ZNF616: variants seen among roughly 807,000 people sequenced by gnomAD.
ZNF616 encodes the protein zinc finger protein 616.
ZNF616 carries 5 observed loss-of-function variants against 7.6 expected under a neutral mutation model. The ratio of observed to expected loss-of-function variants is 0.66; its 90% CI spans 0.34 to 1.38. The LOEUF (loss-of-function observed/expected upper bound fraction) is 1.38, where lower values mean the gene tolerates loss of function less well. Among genes scored for constraint, ZNF616 ranks in the 40% most tolerant of loss-of-function variants. The probability of loss-of-function intolerance (pLI) is 0.04; values close to 1 mark genes in which losing one functional copy is unlikely to be tolerated. For missense variants in ZNF616, 913 were observed against 948.3 expected (o/e 0.96, Z 0.49); for synonymous variants, 319 against 317.2 (o/e 1.01, Z -0.06).
rs34759277 is a variant in ZNF616, at chr19:52,122,099, C to CA, written c.139+1823dup. ...AATTATTATAATATAGCACTTGTTC[C>CA]AAAAAAAAAAAAAAGTGTGATTTAA... On this transcript the variant is annotated intron_variant, in intron 3 of 3. Transcript: ENST00000600228. 7.0e-3 allele frequency among the ~76,000 whole-genome samples: 913 copies of CA among 130,624 alleles called. 6 individuals are homozygous for CA. Among genetic ancestry groups the CA allele is most frequent in the African/African-American group, 0.022 (766 of 35,080 alleles). 85.7% of individuals were successfully genotyped at this position (130,624 alleles called of 152,430 possible). A position where few individuals can be genotyped will look rare whatever the true frequency, so the allele number is the denominator to read the frequency against.
Position 52,115,503 on chromosome 19 carries a change from C to G in ZNF616, c.1661G>C (p.Cys554Ser). The G allele has an allele frequency of 8.7e-6, 14 of 1,614,220 alleles. No homozygotes were observed. Among genetic ancestry groups the G allele is most frequent in the Non-Finnish European group, 1.2e-5 (14 of 1,180,038 alleles). Reference protein sequence around the residue: ...TGEKPYKCKECGKVFSQCSRL... With the variant: ...TGEKPYKCKESGKVFSQCSRL... ...TGAACATTGACTGAAGACCTTGCCA[C>G]ATTCTTTGCATTTGTAAGGCTTCTC... The change falls in exon 4 of 4, where the codon TGT becomes TCT. Residue 554 changes from cysteine to serine, a missense_variant. By Grantham distance (112) the Cys-to-Ser change is moderately radical. Coordinates refer to ENST00000600228, the MANE Select transcript of ZNF616 (RefSeq NM_178523.5).
At position 52,116,097 on chromosome 19, in the gene ZNF616, T is replaced by C. The variant is rs748830511; in HGVS notation, c.1067A>G (p.Asp356Gly). ...ATGTCTGAATGCCTTGCCACATACATCACATTTATATGGTTTCTTTCCTGC... is the reference window on the plus strand; with the variant it reads ...ATGTCTGAATGCCTTGCCACATACACCACATTTATATGGTTTCTTTCCTGC... Reference protein sequence around the residue: ...IHAGKKPYKCDVCGKAFRHRS... With the variant: ...IHAGKKPYKCGVCGKAFRHRS... Residue 356 changes from aspartate to glycine, a missense_variant, in exon 4 of 4, where the codon GAT becomes GGT. By Grantham distance (94) the Asp-to-Gly change is moderately conservative. Coordinates refer to ENST00000600228, the MANE Select transcript of ZNF616 (RefSeq NM_178523.5). The C allele has an allele frequency of 1.9e-6, 3 of 1,614,112 alleles. No homozygotes were observed. Among genetic ancestry groups the C allele is most frequent in the Non-Finnish European group, 2.5e-6 (3 of 1,180,054 alleles).
Position 52,115,731 on chromosome 19 carries a change from G to C in ZNF616, c.1433C>G (p.Ser478Ter), listed in dbSNP as rs1382942049. 6.2e-7 allele frequency: 1 copy of C among 1,614,026 alleles called. No individual in the cohort carries two copies. Among genetic ancestry groups the C allele is most frequent in the African/African-American group, 1.3e-5 (1 of 74,898 alleles). The change falls in exon 4 of 4, where the codon TCA becomes TGA. Residue 478 changes from serine (S) to a stop codon, truncating the protein, a stop_gained. Coordinates refer to ENST00000600228, the MANE Select transcript of ZNF616 (RefSeq NM_178523.5). LOFTEE classifies it low-confidence loss of function (END_TRUNC). ...NECGKVFSIHSRLAAHQRIHT... is the reference protein window; with the variant it reads ...NECGKVFSIH ...AATTCTCTGATGAGCTGCAAGTCGT[G>C]AATGTATGCTGAAAACTTTGCCACA... is the stretch of plus-strand genomic sequence containing the variant.
intron 2 of ZNF616, among the ~76,000 whole-genome samples, chr19:52,129,895 G>A (rs961911403): frequency 1.3e-5 from 2 of 151,410 alleles, no homozygotes; most frequent in Non-Finnish European, 2.9e-5. Context: ...CTATTCTCCC[G>A]CCTCAGCCTC....
chr19:52,138,308 T>C (rs77150186), intron 1 of ZNF616, among the ~76,000 whole-genome samples: 2,175 of 152,304 alleles, frequency 0.014, 20 homozygotes, highest in Non-Finnish European at 0.023. Flanking sequence ...ATTCCAAATA[T>C]CTTTTGATAT....
At chr19:52,133,914 C>T (rs557567149) in intron 1 of ZNF616, among the ~76,000 whole-genome samples, 1 of 152,216 alleles carries the variant, frequency 6.6e-6, no homozygotes, top group South Asian at 2.1e-4. Context: ...TGTGTTGTTG[C>T]CCTCTACGTA....
rs2088949552 is a variant in ZNF616 at position 52,130,567 on chromosome 19, T to C, written c.-55A>G. ...TCTTCTGGGTTTCTTTCTCAGTCAA[T>C]GTAATTATTCACACATCAAACCTGA... is the stretch of plus-strand genomic sequence containing the variant. On this transcript the variant is annotated 5_prime_UTR_variant, in exon 2 of 4. Transcript: ENST00000600228. The C allele has an allele frequency of 4.4e-6, 7 of 1,585,668 alleles. No individual in the cohort carries two copies. The highest frequency in any genetic ancestry group is 6.0e-6 in the Non-Finnish European group (7 of 1,168,930).
rs371168595 is a variant in ZNF616 at position 52,124,018 on chromosome 19, T to C, written c.44A>G (p.Glu15Gly). Residue 15 changes from glutamate to glycine, a missense_variant, in exon 3 of 4, where the codon GAA (glutamate) becomes GGA (glycine). Physicochemically the swap from Glu to Gly is moderately conservative, Grantham distance 98. Transcript: ENST00000600228. Reference sequence around the variant, plus strand: ...GCATTTCCACTCCTCCTGAGAGAATTCTATGGCTACATCCTTGAATGTCAA... The same window carrying C: ...GCATTTCCACTCCTCCTGAGAGAATCCTATGGCTACATCCTTGAATGTCAA... ...GHLTFKDVAIEFSQEEWKCLE... is the reference protein window; with the variant it reads ...GHLTFKDVAIGFSQEEWKCLE... The C allele has an allele frequency of 9.3e-6, 15 of 1,612,132 alleles. No individual in the cohort carries two copies. The highest frequency in any genetic ancestry group is 1.2e-5 in the Non-Finnish European group (14 of 1,179,516).
chr19:52,115,306 G>C lies in ZNF616; in HGVS notation c.1858C>G (p.Leu620Val). 6.2e-7 allele frequency: 1 copy of C among 1,614,118 alleles called. No homozygotes were observed. ...GTATGAATTCTCTGATGTCTATTGA[G>C]TGTGGAGCCCTGATTAAAGGCTTTG... is the stretch of plus-strand genomic sequence containing the variant. Reference protein sequence around the residue: ...CGKAFNQGSTLNRHQRIHTGE... With the variant: ...CGKAFNQGSTVNRHQRIHTGE... Residue 620 changes from leucine (L) to valine (V), a missense_variant, in exon 4 of 4, where the codon CTC becomes GTC. Physicochemically the swap from Leu to Val is conservative, Grantham distance 32 (BLOSUM62 1). Transcript: ENST00000600228.
intron 1 of ZNF616, among the ~76,000 whole-genome samples, chr19:52,137,610 G>A (rs979568969): frequency 6.6e-6 from 1 of 152,118 alleles, no homozygotes; most frequent in African/African-American, 2.4e-5. Flanking sequence ...TGTTACCACA[G>A]GATGCTGGGT....
At chr19:52,136,171 T>C (rs1403718513) in intron 1 of ZNF616, among the ~76,000 whole-genome samples, 3 of 145,606 alleles carry the variant, frequency 2.1e-5, no homozygotes, top group African/African-American at 7.6e-5. Context: ...GCAAAGGACC[T>C]GAACATTTTG....
At chr19:52,127,783 TAGAG>T (rs950793175) in intron 2 of ZNF616, among the ~76,000 whole-genome samples, 7 of 152,202 alleles carry the variant, frequency 4.6e-5, no homozygotes, top group African/African-American at 1.7e-4. Context: ...TGTCTTCATT[TAGAG>T]ATTGTTCCAA....
chr19:52,138,952 C>G (rs1450222651), intron 1 of ZNF616: 1 of 152,568 alleles, frequency 6.6e-6, no homozygotes, highest in African/African-American at 2.4e-5. Context: ...TTTGCCGCCC[C>G]TCTCTATTTT....
Position 52,115,470 on chromosome 19 carries a change from G to A in ZNF616, c.1694C>T (p.Thr565Ile). 2 of 1,614,094 alleles carry A rather than the reference G, an allele frequency of 1.2e-6. No individual in the cohort carries two copies. Among genetic ancestry groups the A allele is most frequent in the Admixed American group, 1.7e-5 (1 of 60,004 alleles). ...TCCACTATGAATTCTCCGATGCACT[G>A]TAAGACGTGAACATTGACTGAAGAC... Reference protein sequence around the residue: ...GKVFSQCSRLTVHRRIHSGEK... With the variant: ...GKVFSQCSRLIVHRRIHSGEK... The change falls in exon 4 of 4, where the codon ACA becomes ATA. Residue 565 changes from threonine (T) to isoleucine (I), a missense_variant. Transcript: ENST00000600228.
intron 1 of ZNF616, chr19:52,138,651 GT>G (rs1003251759): frequency 1.3e-5 from 2 of 151,318 alleles, no homozygotes; most frequent in African/African-American, 4.9e-5. Flanking sequence ...CTTTCCCATT[GT>G]CCCCAGCCGC....
At chr19:52,129,749 G>A (rs1340590654) in intron 2 of ZNF616, among the ~76,000 whole-genome samples, 2 of 151,664 alleles carry the variant, frequency 1.3e-5, no homozygotes, top group Non-Finnish European at 2.9e-5. Flanking sequence ...TATAAAATCA[G>A]GCAGAAAGAT....
intron 3 of ZNF616, among the ~76,000 whole-genome samples, chr19:52,123,251 A>G (rs1291426870): frequency 6.6e-6 from 1 of 152,220 alleles, no homozygotes; most frequent in African/African-American, 2.4e-5. Flanking sequence ...AGTAGCGGTC[A>G]CTTAAAACAA....
intron 3 of ZNF616, among the ~76,000 whole-genome samples, chr19:52,119,933 C>A (rs2088853609): frequency 6.6e-6 from 1 of 151,968 alleles, no homozygotes; most frequent in South Asian, 2.1e-4. Flanking sequence ...CAATATAATC[C>A]TGAAGAAAAA....
intron 3 of ZNF616, among the ~76,000 whole-genome samples, chr19:52,123,229 G>A (rs1220643944): frequency 2.0e-5 from 3 of 152,152 alleles, no homozygotes; most frequent in Non-Finnish European, 4.4e-5. Context: ...ACATGAAAAT[G>A]CACCAGATTA....
Sources: gnomAD v4.1 joint callset for allele counts (sites outside exome capture counted in the v4.1 genomes callset) on GRCh38, gnomAD v4.1.1 for gene constraint, MANE v1.5 for transcripts, NCBI Gene and HGNC (gene_info 2026-07-23, HGNC 2026-07-21) for gene names.